The following NCKAP5 variants were observed in gnomAD, a reference collection of about 807,000 sequenced individuals.
NCKAP5 encodes the protein nck-associated protein 5.
Under a neutral mutation model 167.0 loss-of-function variants are expected in NCKAP5, and 92 were observed. The observed-to-expected ratio is 0.55, with a 90% CI of 0.47 to 0.66. The LOEUF is 0.66. NCKAP5 is among the 30% of genes least tolerant of loss of function. The pLI, the probability that NCKAP5 is intolerant of heterozygous loss-of-function variation, is 0.00. For synonymous variants in NCKAP5, 891 were observed against 877.4 expected (o/e 1.02, Z -0.27); for missense variants, 2,378 against 2,315.0 (o/e 1.03, Z -0.56).
intron 3 of NCKAP5, among the ~76,000 whole-genome samples, chr2:133,501,426 C>T (rs1682503881): frequency 6.6e-6 from 1 of 152,092 alleles, no homozygotes; most frequent in Non-Finnish European, 1.5e-5. Flanking sequence ...TCTAGGGAAG[C>T]TTAGCAATTG....
intron 3 of NCKAP5, among the ~76,000 whole-genome samples, chr2:133,400,659 G>A (rs1688040001): frequency 6.6e-6 from 1 of 152,192 alleles, no homozygotes; most frequent in Non-Finnish European, 1.5e-5. Flanking sequence ...CTGGCCTCCA[G>A]TGCAGTGAGA....
chr2:133,359,625 A>C (rs1432935034), intron 3 of NCKAP5, among the ~76,000 whole-genome samples: 1 of 152,210 alleles, frequency 6.6e-6, no homozygotes, highest in Non-Finnish European at 1.5e-5. Context: ...ATTAAAGTGA[A>C]GCACTTTAGT....
intron 3 of NCKAP5, among the ~76,000 whole-genome samples, chr2:133,458,084 C>A (rs1276332937): frequency 6.6e-6 from 1 of 152,124 alleles, no homozygotes; most frequent in Non-Finnish European, 1.5e-5. Flanking sequence ...CCATGAACAT[C>A]AGCAAAGTTT....
At chr2:133,492,305 A>G (rs1681537779) in intron 3 of NCKAP5, among the ~76,000 whole-genome samples, 6 of 152,134 alleles carry the variant, frequency 3.9e-5, no homozygotes, top group Admixed American at 3.9e-4. Flanking sequence ...CTCAATTGTA[A>G]AATGGGGATG....
At chr2:132,996,938 C>G (rs2077620545) in intron 6 of NCKAP5, among the ~76,000 whole-genome samples, 1 of 152,194 alleles carries the variant, frequency 6.6e-6, no homozygotes, top group Non-Finnish European at 1.5e-5. Flanking sequence ...TGTCCAGAAC[C>G]TGAACTGGTT....
intron 4 of NCKAP5, among the ~76,000 whole-genome samples, chr2:133,245,029 G>C (rs533643904): frequency 2.6e-5 from 4 of 152,116 alleles, no homozygotes; most frequent in African/African-American, 9.7e-5. Flanking sequence ...AAAATACCAA[G>C]TGTCTGTAGG....
At position 132,920,793 on chromosome 2, in the gene NCKAP5, A is replaced by G. The variant is rs200961076; in HGVS notation, c.580-41877T>C. 4.9e-3 allele frequency among the ~76,000 whole-genome samples: 451 copies of G among 91,216 alleles called. 40 individuals are homozygous for G. Among genetic ancestry groups the G allele is most frequent in the East Asian group, 0.023 (55 of 2,350 alleles). The allele number at this position is 91,216 out of a possible 152,430, so 59.8% of individuals were successfully genotyped here. A position where few individuals can be genotyped will look rare whatever the true frequency, so the allele number is the denominator to read the frequency against. On this transcript the variant is annotated intron_variant, in intron 8 of 19. Coordinates refer to ENST00000409261, the MANE Select transcript of NCKAP5 (RefSeq NM_207363.3). ...TATGTATATATATATATATATATAT[A>G]TATATATATATATATATATATATAT...
In NCKAP5 at chr2:133,281,326, T is replaced by A. The variant is rs578062442; in HGVS notation, c.143+21711A>T. On this transcript the variant is annotated intron_variant, in intron 4 of 19. Transcript: ENST00000409261. ...ATTGTGCTTTGTGTATTCAAAATTA[T>A]ATTTTTTTCAAAATGTAAACTTGGG... Among the ~76,000 whole-genome samples, 4 of 152,354 alleles carry A rather than the reference T, an allele frequency of 2.6e-5. No individual in the cohort carries two copies. The East Asian group carries it at 7.7e-4, about 29-fold the overall frequency.
intron 19 of NCKAP5, among the ~76,000 whole-genome samples, chr2:132,701,280 C>T (rs561699384): frequency 1.1e-4 from 16 of 152,058 alleles, no homozygotes; most frequent in Admixed American, 2.0e-4. Context: ...GTAATGAGGG[C>T]GGGATAAGAG....
chr2:132,903,504 A>G (rs1693782146), intron 8 of NCKAP5, among the ~76,000 whole-genome samples: 1 of 152,240 alleles, frequency 6.6e-6, no homozygotes. Flanking sequence ...TGTTGATGTG[A>G]CAAATGTATG....
intron 11 of NCKAP5, among the ~76,000 whole-genome samples, chr2:132,858,329 G>A (rs768709155): frequency 1.3e-5 from 2 of 152,082 alleles, no homozygotes; most frequent in Non-Finnish European, 2.9e-5. Context: ...AAAAGAGGTG[G>A]GAGCACAAAC....
At chr2:133,262,199 C>T (rs181949201) in intron 4 of NCKAP5, among the ~76,000 whole-genome samples, 1 of 151,968 alleles carries the variant, frequency 6.6e-6, no homozygotes, top group Non-Finnish European at 1.5e-5. Context: ...CATAAACTGG[C>T]CCCAAATCAC....
At chr2:133,590,370 C>T in the NCKAP5 span, among the ~76,000 whole-genome samples, 118 of 150,660 alleles carry the variant, frequency 7.8e-4, no homozygotes, top group African/African-American at 2.7e-3. Flanking sequence ...ACTAAAAATA[C>T]AAAAAACTAG....
At chr2:132,822,810 A>T (rs890443713) in intron 11 of NCKAP5, among the ~76,000 whole-genome samples, 5 of 152,058 alleles carry the variant, frequency 3.3e-5, no homozygotes, top group African/African-American at 1.2e-4. Context: ...AATAAAAAAA[A>T]TGGGAAATGG....
At chr2:132,837,285 G>A (rs1362133731) in intron 11 of NCKAP5, among the ~76,000 whole-genome samples, 1 of 151,992 alleles carries the variant, frequency 6.6e-6, no homozygotes, top group Non-Finnish European at 1.5e-5. Context: ...ATGCTTCCTT[G>A]CTTGGAAATT....
rs112239136 is a variant in NCKAP5, at chr2:133,418,212, C to T, written c.69+99246G>A. ...GCTTTAATGATTTACTTAGCTGAGA[C>T]AGGAATTGTCTTTGTGGCTAAGTGA... On this transcript the variant is annotated intron_variant, in intron 3 of 19. Coordinates refer to ENST00000409261, the MANE Select transcript of NCKAP5 (RefSeq NM_207363.3). Among the ~76,000 whole-genome samples the T allele has an allele frequency of 6.4e-4, 98 of 152,308 alleles. 2 individuals are homozygous for T. The highest frequency in any genetic ancestry group is 2.3e-3 in the African/African-American group (95 of 41,566).
chr2:133,409,034 A>C (rs1400969290), intron 3 of NCKAP5, among the ~76,000 whole-genome samples: 1 of 152,240 alleles, frequency 6.6e-6, no homozygotes, highest in African/African-American at 2.4e-5. Context: ...TACCACAGTA[A>C]AAGCTAATAT....
chr2:133,490,143 G>A (rs942364987), intron 3 of NCKAP5, among the ~76,000 whole-genome samples: 9 of 152,212 alleles, frequency 5.9e-5, no homozygotes, highest in African/African-American at 1.4e-4. Flanking sequence ...CAAATGAGGA[G>A]TACTCATGAC....
At chr2:133,216,268 AT>A (rs552450696) in intron 4 of NCKAP5, among the ~76,000 whole-genome samples, 164 of 151,628 alleles carry the variant, frequency 1.1e-3, no homozygotes, top group Admixed American at 2.3e-3. Flanking sequence ...AAATAATTGG[AT>A]TTTTTTTTCT....
Sources: gnomAD v4.1 joint callset for allele counts (sites outside exome capture counted in the v4.1 genomes callset) on GRCh38, gnomAD v4.1.1 for gene constraint, MANE v1.5 for transcripts, NCBI Gene and HGNC (gene_info 2026-07-23, HGNC 2026-07-21) for gene names.